RUVBL1: variants seen among roughly 807,000 people sequenced by gnomAD.
The protein encoded by RUVBL1 is RuvB like AAA ATPase 1, also known as ruvB-like 1.
RUVBL1 carries 4 observed loss-of-function variants against 52.4 expected under a neutral mutation model. That is an observed-to-expected ratio of 0.08 (90% CI 0.04 to 0.17). RUVBL1 has a LOEUF of 0.17. Among genes scored for constraint, RUVBL1 ranks in the 10% least tolerant of loss-of-function variants. The pLI, the probability that RUVBL1 is intolerant of heterozygous loss-of-function variation, is 1.00. For synonymous variants in RUVBL1, 217 were observed against 214.4 expected, an observed-to-expected ratio of 1.01 and a Z score of -0.10; for missense variants, 298 against 572.8, an observed-to-expected ratio of 0.52 and a Z score of 4.90.
At chr3:128,123,490 C>A in intron 1 of RUVBL1, 94 bp downstream of exon 1, 1 of 1,318,986 alleles carries the variant, frequency 7.6e-7, no homozygotes, top group Non-Finnish European at 1.0e-6. Flanking sequence ...AGACCCCTGG[C>A]GCGCGCATCC....
At chr3:128,152,772 T>C (rs2107744376) in intron 1 of RUVBL1, among the ~76,000 whole-genome samples, 1 of 152,052 alleles carries the variant, frequency 6.6e-6, no homozygotes, top group South Asian at 2.1e-4. Context: ...TCCCAAAGAG[T>C]GAGCAGCAGC....
intron 1 of RUVBL1, among the ~76,000 whole-genome samples, chr3:128,145,569 G>A (rs951560140): frequency 6.6e-6 from 1 of 152,098 alleles, no homozygotes; most frequent in Non-Finnish European, 1.5e-5. Context: ...TGGGGTGGAT[G>A]GGCACGGTGT....
rs749386977 is a variant in RUVBL1 at position 128,067,464 on chromosome 3, G to A, written c.940-2244C>T. On this transcript the variant is annotated intron_variant, in intron 9 of 9. Transcript: ENST00000464873. The surrounding 1 kb of genome is among the most constrained non-coding windows in gnomAD (Gnocchi z 4.1). Reference sequence around the variant, plus strand: ...CCAGCACGTGCTTATCCAGTTGGTGGCCTTTGCTATTACCTGTCCCCTCCA... The same window carrying A: ...CCAGCACGTGCTTATCCAGTTGGTGACCTTTGCTATTACCTGTCCCCTCCA... The A allele has an allele frequency of 1.9e-6, 3 of 1,614,146 alleles. No homozygotes were observed. Among genetic ancestry groups the A allele is most frequent in the Non-Finnish European group, 2.5e-6 (3 of 1,180,020 alleles).
chr3:128,153,562 G>C (rs567446865), exon 1 of RUVBL1: 1 of 1,535,720 alleles, frequency 6.5e-7, no homozygotes, highest in Non-Finnish European at 8.7e-7. Flanking sequence ...CATCGACAGC[G>C]GCAAGACGGC....
At chr3:128,124,081 C>T (rs957146070), upstream of RUVBL1, among the ~76,000 whole-genome samples, 11 of 152,188 alleles carry the variant, frequency 7.2e-5, no homozygotes, top group Non-Finnish European at 1.3e-4. Flanking sequence ...ACTCCTAATC[C>T]TTCCGTCCTA....
intron 8 of RUVBL1, among the ~76,000 whole-genome samples, chr3:128,088,602 CTTGTT>C (rs889342777): frequency 1.9e-4 from 29 of 150,608 alleles, no homozygotes; most frequent in African/African-American, 6.6e-4. Flanking sequence ...CTTCAGTCTC[CTTGTT>C]TTGTTTTGTT....
At chr3:128,101,718 T>C in intron 4 of RUVBL1, 70 bp from the exon 5 acceptor site, 1 of 1,498,646 alleles carries the variant, frequency 6.7e-7, no homozygotes, top group Non-Finnish European at 9.2e-7. Context: ...GTAAGGTACC[T>C]TTCCGTAAGG....
intron 9 of RUVBL1, among the ~76,000 whole-genome samples, chr3:128,085,551 G>A (rs1274328225): frequency 1.3e-5 from 2 of 152,312 alleles, no homozygotes; most frequent in South Asian, 2.1e-4. Context: ...TGGCGATGAG[G>A]CCCCCGGCCA....
chr3:128,087,652 T>G lies in RUVBL1; in HGVS notation c.1119+54A>C, dbSNP rs552611015. On this transcript the variant is annotated intron_variant, in intron 9 of 10. Coordinates refer to ENST00000322623, the MANE Select transcript of RUVBL1 (RefSeq NM_003707.3). ...AGATACCTTTCTGCACAGCCACCAG[T>G]GAACACTGGGAGCAAATGAGAGAAG... 79 of 1,438,100 alleles carry G rather than the reference T, an allele frequency of 5.5e-5. 1 individual carries two copies. In the South Asian group the frequency reaches 9.4e-4, roughly 17 times the overall value. The allele number at this position is 1,438,100 out of a possible 1,614,324, so 89.1% of individuals were successfully genotyped here.
chr3:128,142,043 G>C lies in RUVBL1; in HGVS notation c.-40+11160C>G, dbSNP rs1944031160. On this transcript the variant is annotated intron_variant, in intron 1 of 9. Coordinates refer to the RUVBL1 transcript ENST00000464873. ...CACAGGAACTGCTTTGGAGCCTAGA[G>C]ACGGGAAATTGGGCTGGGGACAGAG... The C allele has an allele frequency of 2.0e-5, 3 of 152,290 alleles. No individual in the cohort carries two copies. In the South Asian group the frequency reaches 6.2e-4, roughly 32 times the overall value. The allele number at this position is 152,290 out of a possible 1,614,324, so 9.4% of individuals were successfully genotyped here. A position where few individuals can be genotyped will look rare whatever the true frequency, so the allele number is the denominator to read the frequency against.
chr3:128,130,892 T>C (rs1943868091), intron 1 of RUVBL1, among the ~76,000 whole-genome samples: 1 of 151,836 alleles, frequency 6.6e-6, no homozygotes, highest in Non-Finnish European at 1.5e-5. Flanking sequence ...CGTCGTGATC[T>C]GCCCACCTCG....
intron 1 of RUVBL1, among the ~76,000 whole-genome samples, chr3:128,152,272 G>C (rs572563257): frequency 6.6e-6 from 1 of 152,278 alleles, no homozygotes; most frequent in East Asian, 1.9e-4. Flanking sequence ...TCAATTTAGA[G>C]GTTTGTGGCC....
chr3:128,098,142 T>C (rs1943027539), intron 7 of RUVBL1, among the ~76,000 whole-genome samples: 1 of 152,092 alleles, frequency 6.6e-6, no homozygotes, highest in African/African-American at 2.4e-5. Context: ...CAGTGCTCAT[T>C]TTCCAAACCA....
In RUVBL1 at chr3:128,081,928, A is replaced by C. The variant is rs1942487169; in HGVS notation, c.1212-519T>G. On this transcript the variant is annotated intron_variant, in intron 10 of 10. Transcript: ENST00000322623. This position sits in a 1 kb window ranked among gnomAD's most constrained non-coding sequence, Gnocchi z 4.8. ...TGTAGGGAAGGGCTGAGGACTGTGA[A>C]GCAATGATTTTACAATGAGTCAGGC... 1.2e-5 allele frequency: 2 copies of C among 163,476 alleles called. No individual in the cohort carries two copies. The highest frequency in any genetic ancestry group is 1.5e-4 in the South Asian group (1 of 6,506). 10.1% of individuals were successfully genotyped at this position (163,476 alleles called of 1,614,324 possible). A position where few individuals can be genotyped will look rare whatever the true frequency, so the allele number is the denominator to read the frequency against.
intron 3 of RUVBL1, among the ~76,000 whole-genome samples, chr3:128,107,966 T>C (rs2107700183): frequency 6.6e-6 from 1 of 152,324 alleles, no homozygotes; most frequent in East Asian, 1.9e-4. Flanking sequence ...CCCCCACATT[T>C]GTTTAGAAGT....
intron 4 of RUVBL1, among the ~76,000 whole-genome samples, chr3:128,102,566 G>C (rs1458718352): frequency 1.3e-5 from 2 of 152,230 alleles, no homozygotes; most frequent in Admixed American, 6.5e-5. Flanking sequence ...GAAAACCCAG[G>C]ACTTGGTGAA....
exon 1 of RUVBL1, chr3:128,153,906 T>C: frequency 7.1e-7 from 1 of 1,417,968 alleles, no homozygotes; most frequent in South Asian, 1.5e-5. Context: ...CTCGAGCCTT[T>C]GCCGGGACGG....
intron 9 of RUVBL1, among the ~76,000 whole-genome samples, chr3:128,072,232 T>C (rs1376567353): frequency 1.3e-5 from 2 of 152,160 alleles, no homozygotes; most frequent in African/African-American, 4.8e-5. Context: ...GTAGGCCACA[T>C]TTCCACTCTC....
intron 8 of RUVBL1, 97 bp downstream of exon 8, chr3:128,097,203 C>T (rs1943001617): frequency 8.2e-7 from 1 of 1,226,462 alleles, no homozygotes; most frequent in Non-Finnish European, 1.2e-6. Context: ...CTCCCCTCAT[C>T]CCTGTCCCAC....
Sources: gnomAD v4.1 joint callset for allele counts (sites outside exome capture counted in the v4.1 genomes callset) on GRCh38, gnomAD v4.1.1 for gene constraint, Gnocchi (gnomAD v3.1) non-coding constraint, MANE v1.5 for transcripts, NCBI Gene and HGNC (gene_info 2026-07-23, HGNC 2026-07-21) for gene names.